The following CBLB variants were observed in gnomAD, a reference collection of about 807,000 sequenced individuals.
The protein encoded by CBLB is Cbl proto-oncogene B.
A neutral mutation model predicts 104.9 loss-of-function variants in CBLB; 31 were observed. That is an observed-to-expected ratio of 0.30 (90% CI 0.22 to 0.40). The LOEUF is 0.40. Among genes scored for constraint, CBLB ranks in the 10% least tolerant of loss-of-function variants. The pLI is 1.00. For missense variants in CBLB, 1,062 were observed against 1,214.6 expected, an observed-to-expected ratio of 0.87 and a Z score of 1.87; for synonymous variants, 440 against 422.6, an observed-to-expected ratio of 1.04 and a Z score of -0.51.
intron 14 of CBLB, among the ~76,000 whole-genome samples, chr3:105,682,566 G>A (rs750252790): frequency 6.6e-6 from 1 of 152,158 alleles, no homozygotes; most frequent in African/African-American, 2.4e-5. Context: ...GAGTGCAGTG[G>A]CATGATCTTG....
chr3:105,729,339 T>C (rs920298193), intron 9 of CBLB, among the ~76,000 whole-genome samples: 3 of 152,016 alleles, frequency 2.0e-5, no homozygotes, highest in Non-Finnish European at 4.4e-5. Context: ...CTACAGAACA[T>C]GGGATATTGC....
At chr3:105,843,012 G>T (rs1343195654) in intron 3 of CBLB, among the ~76,000 whole-genome samples, 3 of 152,186 alleles carry the variant, frequency 2.0e-5, no homozygotes, top group Non-Finnish European at 2.9e-5. Context: ...GTCAAATTTG[G>T]TCTGGCTCAT....
chr3:105,770,282 C>T (rs2078714315), intron 4 of CBLB, among the ~76,000 whole-genome samples: 1 of 152,000 alleles, frequency 6.6e-6, no homozygotes, highest in African/African-American at 2.4e-5. Context: ...GTGAAAAACT[C>T]CTAAGTCCTC....
chr3:105,784,090 T>C lies in CBLB; in HGVS notation c.420-7548A>G, dbSNP rs560669858. 5.3e-5 allele frequency among the ~76,000 whole-genome samples: 8 copies of C among 152,330 alleles called. No individual in the cohort carries two copies. The South Asian group carries it at 1.7e-3, about 32-fold the overall frequency. ...ACTACAGTATAAATATGACCACTCA[T>C]ACTTTCATTTGGTTTAAAAGCTTAA... On this transcript the variant is annotated intron_variant, in intron 3 of 18. Transcript: ENST00000394030.
At chr3:105,756,088 T>C (rs1223528668) in intron 4 of CBLB, among the ~76,000 whole-genome samples, 1 of 152,222 alleles carries the variant, frequency 6.6e-6, no homozygotes, top group Non-Finnish European at 1.5e-5. Flanking sequence ...TTCATGGTTT[T>C]TAACTTTTTA....
At chr3:105,751,833 A>C (rs1236008837) in intron 4 of CBLB, among the ~76,000 whole-genome samples, 3 of 152,210 alleles carry the variant, frequency 2.0e-5, no homozygotes, top group African/African-American at 7.2e-5. Context: ...CAAAAATTTA[A>C]ATTAATTTTC....
intron 12 of CBLB, among the ~76,000 whole-genome samples, chr3:105,694,210 A>G (rs566451606): frequency 6.6e-6 from 1 of 152,062 alleles, no homozygotes; most frequent in African/African-American, 2.4e-5. Flanking sequence ...ACTTGCTCAT[A>G]TGGGACCATC....
chr3:105,839,151 A>G (rs1301343603), intron 3 of CBLB, among the ~76,000 whole-genome samples: 2 of 152,178 alleles, frequency 1.3e-5, no homozygotes, highest in African/African-American at 4.8e-5. Context: ...GCAGATCCCA[A>G]CTGGTAAATT....
intron 9 of CBLB, among the ~76,000 whole-genome samples, chr3:105,730,332 C>T (rs1258535141): frequency 2.6e-5 from 4 of 152,040 alleles, no homozygotes; most frequent in Non-Finnish European, 4.4e-5. Flanking sequence ...TTCTAGGATT[C>T]GTTCTCAGAT....
chr3:105,739,681 C>T (rs2075321752), intron 7 of CBLB, among the ~76,000 whole-genome samples: 1 of 151,704 alleles, frequency 6.6e-6, no homozygotes, highest in Admixed American at 6.6e-5. Context: ...TAGCTATTAA[C>T]ATATAGTCCT....
At chr3:105,743,742 A>C (rs2075841556) in intron 6 of CBLB, among the ~76,000 whole-genome samples, 1 of 151,540 alleles carries the variant, frequency 6.6e-6, no homozygotes, top group Non-Finnish European at 1.5e-5. Flanking sequence ...TAAAAAAAAA[A>C]AAAATGTTAA....
At chr3:105,677,937 T>A (rs867766279) in intron 17 of CBLB, among the ~76,000 whole-genome samples, 1 of 151,852 alleles carries the variant, frequency 6.6e-6, no homozygotes, top group Non-Finnish European at 1.5e-5. Flanking sequence ...AACAAAACAA[T>A]AAAATGCAGC....
chr3:105,715,365 T>C (rs2071705750), intron 10 of CBLB, among the ~76,000 whole-genome samples: 1 of 152,224 alleles, frequency 6.6e-6, no homozygotes, highest in Non-Finnish European at 1.5e-5. Flanking sequence ...AAAAAGTATG[T>C]ATTATAGACT....
At chr3:105,790,989 C>T (rs1168787273) in intron 3 of CBLB, among the ~76,000 whole-genome samples, 1 of 152,184 alleles carries the variant, frequency 6.6e-6, no homozygotes, top group East Asian at 1.9e-4. Flanking sequence ...CCAGGGAGAA[C>T]TGCATGAGTG....
chr3:105,659,736 A>T (rs982891854), intron 18 of CBLB, among the ~76,000 whole-genome samples: 6 of 152,114 alleles, frequency 3.9e-5, no homozygotes, highest in African/African-American at 1.4e-4. Flanking sequence ...GTCACAGCAG[A>T]ACTGCTCTAA....
chr3:105,764,313 T>C (rs554117267), intron 4 of CBLB, among the ~76,000 whole-genome samples: 59 of 152,264 alleles, frequency 3.9e-4, no homozygotes, highest in South Asian at 1.5e-3. Context: ...CAGGAAAGGA[T>C]TGTGATGAAT....
chr3:105,805,256 C>T (rs1158392178), intron 3 of CBLB, among the ~76,000 whole-genome samples: 1 of 152,084 alleles, frequency 6.6e-6, no homozygotes, highest in Non-Finnish European at 1.5e-5. Context: ...GAGAAAATCC[C>T]AGCCACATTT....
At chr3:105,768,069 T>C (rs1292325465) in intron 4 of CBLB, among the ~76,000 whole-genome samples, 1 of 152,246 alleles carries the variant, frequency 6.6e-6, no homozygotes, top group African/African-American at 2.4e-5. Context: ...ATATAAAACA[T>C]TGTGCTGAGC....
intron 4 of CBLB, among the ~76,000 whole-genome samples, chr3:105,764,329 G>A (rs931734928): frequency 6.6e-6 from 1 of 152,206 alleles, no homozygotes; most frequent in African/African-American, 2.4e-5. Flanking sequence ...TGAATTAGAA[G>A]AGAGATTATC....
Sources: gnomAD v4.1 joint callset for allele counts (sites outside exome capture counted in the v4.1 genomes callset) on GRCh38, gnomAD v4.1.1 for gene constraint, MANE v1.5 for transcripts, NCBI Gene and HGNC (gene_info 2026-07-23, HGNC 2026-07-21) for gene names.